The following FSIP1 variants were observed in gnomAD, a reference collection of about 807,000 sequenced individuals.
The protein encoded by FSIP1 is fibrous sheath interacting protein 1, also known as fibrous sheath-interacting protein 1.
A neutral mutation model predicts 60.9 loss-of-function variants in FSIP1; 65 were observed. That is an observed-to-expected ratio of 1.07 (90% confidence interval 0.87 to 1.31). FSIP1 has a LOEUF of 1.31. Ranked by LOEUF, FSIP1 falls within the 40% of genes most tolerant of loss-of-function variation. FSIP1 has a pLI of 0.00. For missense variants in FSIP1, 675 were observed against 665.5 expected (o/e 1.01, Z -0.16); for synonymous variants, 209 against 221.2 (o/e 0.94, Z 0.49).
chr15:39,695,493 C>A (rs1894779525), intron 10 of FSIP1, among the ~76,000 whole-genome samples: 1 of 151,882 alleles, frequency 6.6e-6, no homozygotes, highest in Admixed American at 6.6e-5. Flanking sequence ...TTATTTGTGT[C>A]CCCTATATAA....
At chr15:39,781,165 C>A in intron 1 of FSIP1, among the ~76,000 whole-genome samples, 1 of 152,150 alleles carries the variant, frequency 6.6e-6, no homozygotes, top group Non-Finnish European at 1.5e-5. Flanking sequence ...GATTTGGACA[C>A]ACACATCACC....
chr15:39,728,495 C>CA (rs1896283381), intron 8 of FSIP1, among the ~76,000 whole-genome samples: 1 of 152,120 alleles, frequency 6.6e-6, no homozygotes, highest in Non-Finnish European at 1.5e-5. Flanking sequence ...ACACCTACAA[C>CA]CATCTGATCT....
intron 5 of FSIP1, among the ~76,000 whole-genome samples, chr15:39,742,921 G>A (rs1326224058): frequency 6.6e-6 from 1 of 151,936 alleles, no homozygotes; most frequent in Non-Finnish European, 1.5e-5. Context: ...GGGAGAGAGG[G>A]GTAAACTACT....
chr15:39,748,075 C>G (rs1444609387), intron 5 of FSIP1, among the ~76,000 whole-genome samples: 1 of 152,050 alleles, frequency 6.6e-6, no homozygotes, highest in Non-Finnish European at 1.5e-5. Context: ...GTGCATTTTT[C>G]CTATTTTTCC....
chr15:39,660,362 A>G (rs8033902), intron 10 of FSIP1, among the ~76,000 whole-genome samples: 116,833 of 152,158 alleles, frequency 0.77, 45,938 homozygotes, highest in Non-Finnish European at 0.87. Context: ...ACGACATTCA[A>G]ATAAGGCTCA....
chr15:39,603,338 AC>A, intron 11 of FSIP1, among the ~76,000 whole-genome samples: 1 of 152,286 alleles, frequency 6.6e-6, no homozygotes, highest in African/African-American at 2.4e-5. Context: ...TGCTGCCAGA[AC>A]CCACCCCTAG....
chr15:39,732,853 G>A (rs767427082), intron 8 of FSIP1, among the ~76,000 whole-genome samples: 6 of 152,000 alleles, frequency 3.9e-5, no homozygotes, highest in African/African-American at 1.2e-4. Flanking sequence ...CAAGAAGTTC[G>A]GTATGATTTG....
intron 10 of FSIP1, among the ~76,000 whole-genome samples, chr15:39,641,117 T>C (rs1892351686): frequency 6.6e-6 from 1 of 152,168 alleles, no homozygotes; most frequent in Non-Finnish European, 1.5e-5. Context: ...ATTAGACACC[T>C]GGAAATCTTT....
intron 8 of FSIP1, among the ~76,000 whole-genome samples, chr15:39,733,634 G>T (rs947993148): frequency 1.3e-5 from 2 of 152,074 alleles, no homozygotes; most frequent in Non-Finnish European, 2.9e-5. Context: ...TGAACAAATG[G>T]CTACGCGATA....
chr15:39,752,757 A>G (rs1897201264), intron 5 of FSIP1, among the ~76,000 whole-genome samples: 1 of 152,072 alleles, frequency 6.6e-6, no homozygotes, highest in South Asian at 2.1e-4. Flanking sequence ...AAAAACGGAC[A>G]TTAAGTAAAA....
chr15:39,704,440 C>T (rs1342548561), intron 10 of FSIP1, among the ~76,000 whole-genome samples: 1 of 152,180 alleles, frequency 6.6e-6, no homozygotes, highest in Non-Finnish European at 1.5e-5. Flanking sequence ...CGGTTGGTAA[C>T]AGCTTAAAGG....
At chr15:39,641,216 A>T (rs891910004) in intron 10 of FSIP1, among the ~76,000 whole-genome samples, 1 of 152,160 alleles carries the variant, frequency 6.6e-6, no homozygotes, top group African/African-American at 2.4e-5. Flanking sequence ...TGCCTAATTC[A>T]AACTGAAAAA....
intron 10 of FSIP1, among the ~76,000 whole-genome samples, chr15:39,688,665 T>C (rs928982547): frequency 2.0e-5 from 3 of 152,204 alleles, no homozygotes; most frequent in African/African-American, 7.2e-5. Context: ...ATATCTATTT[T>C]TATTCCAGAT....
intron 11 of FSIP1, among the ~76,000 whole-genome samples, 197 bp from the exon 12 acceptor site, chr15:39,601,123 C>A (rs1352357967): frequency 6.6e-6 from 1 of 152,254 alleles, no homozygotes; most frequent in African/African-American, 2.4e-5. Context: ...AGGGCGCCTA[C>A]TCTCATTGAG....
chr15:39,735,085 T>G (rs1401432351), intron 8 of FSIP1, among the ~76,000 whole-genome samples: 1 of 152,232 alleles, frequency 6.6e-6, no homozygotes, highest in African/African-American at 2.4e-5. Context: ...TTACCCAATT[T>G]TACAATTAAT....
chr15:39,718,286 ATAAT>A (rs1247091339), intron 9 of FSIP1, among the ~76,000 whole-genome samples: 1 of 151,370 alleles, frequency 6.6e-6, no homozygotes, highest in Non-Finnish European at 1.5e-5. Context: ...ACACACAAAT[ATAAT>A]TATATACATA....
rs889696514 is a variant in FSIP1 at position 39,741,965 on chromosome 15, T to A, written c.560-65A>T. ...TAAATTAAGTAGTTGTCTACAAAAT[T>A]GTTTTAAAAAGATAACATTTAATAT... On this transcript the variant is annotated intron_variant, in intron 5 of 11. Transcript: ENST00000350221. 4 of 885,940 alleles carry A rather than the reference T, an allele frequency of 4.5e-6. No individual in the cohort carries two copies. The African/African-American group carries it at 6.7e-5, about 15-fold the overall frequency. 54.9% of individuals were successfully genotyped at this position (885,940 alleles called of 1,614,324 possible).
chr15:39,645,592 T>G (rs1416091509), intron 10 of FSIP1, among the ~76,000 whole-genome samples: 1 of 151,352 alleles, frequency 6.6e-6, no homozygotes, highest in African/African-American at 2.4e-5. Context: ...GAACTCCCAG[T>G]TGGGAAGCAG....
chr15:39,782,017 T>G (rs1566925596), intron 1 of FSIP1, among the ~76,000 whole-genome samples: 2 of 152,272 alleles, frequency 1.3e-5, no homozygotes, highest in Admixed American at 6.5e-5. Context: ...TCTTTAGTTA[T>G]GCTCATACAT....
Sources: gnomAD v4.1 joint callset for allele counts (sites outside exome capture counted in the v4.1 genomes callset) on GRCh38, gnomAD v4.1.1 for gene constraint, MANE v1.5 for transcripts, NCBI Gene and HGNC (gene_info 2026-07-23, HGNC 2026-07-21) for gene names.